Variants in NMNAT3 observed in about 807,000 individuals in gnomAD.
NMNAT3 encodes nicotinamide nucleotide adenylyltransferase 3.
Under a neutral mutation model 24.8 loss-of-function variants are expected in NMNAT3, and 21 were observed. That is an observed-to-expected ratio of 0.85 (90% confidence interval 0.60 to 1.22). The LOEUF is 1.22. NMNAT3 is among the 50% of genes most tolerant of loss of function. The pLI is 0.00. For missense variants in NMNAT3, 387 were observed against 436.6 expected (o/e 0.89, Z 1.01); for synonymous variants, 136 against 155.2 (o/e 0.88, Z 0.92).
At chr3:139,658,287 T>C (rs2108414739) in intron 1 of NMNAT3, among the ~76,000 whole-genome samples, 1 of 152,266 alleles carries the variant, frequency 6.6e-6, no homozygotes, top group South Asian at 2.1e-4. Flanking sequence ...CCCCCTGCAG[T>C]GGGGCCCAGC....
At chr3:139,563,425 G>A (rs972324575) in intron 6 of NMNAT3, among the ~76,000 whole-genome samples, 7 of 152,154 alleles carry the variant, frequency 4.6e-5, no homozygotes, top group South Asian at 2.1e-4. Context: ...TCTTCCTACA[G>A]GTCAGAGAAC....
rs374344757 is a variant in NMNAT3 at position 139,627,855 on chromosome 3, C to G, written c.-40-91G>C. ...CTAAACCACACACAGACCATTACTT[C>G]TCACTTGTAAGATGACTGAGGAGGC... is the stretch of plus-strand genomic sequence containing the variant. On this transcript the variant is annotated intron_variant, in intron 2 of 6. Coordinates refer to ENST00000643695, the MANE Select transcript of NMNAT3 (RefSeq NM_001320510.2). 43 of 497,090 alleles carry G rather than the reference C, an allele frequency of 8.7e-5. No homozygotes were observed. In the East Asian group the frequency reaches 9.9e-4, roughly 11 times the overall value. The allele number at this position is 497,090 out of a possible 1,614,324, so 30.8% of individuals were successfully genotyped here.
intron 3 of NMNAT3, chr3:139,609,667 T>TC (rs11438253): frequency 0.32 from 47,978 of 151,260 alleles, 7,835 homozygotes; most frequent in Admixed American, 0.43. Flanking sequence ...GTTTTTTTTT[T>TC]AAGAGACAAA....
intron 1 of NMNAT3, among the ~76,000 whole-genome samples, chr3:139,657,083 T>G (rs901178417): frequency 6.6e-6 from 1 of 152,162 alleles, no homozygotes; most frequent in African/African-American, 2.4e-5. Context: ...ACACAGAAAC[T>G]CCGGGCTCCA....
intron 1 of NMNAT3, among the ~76,000 whole-genome samples, chr3:139,650,394 G>A (rs777009759): frequency 2.0e-5 from 3 of 152,162 alleles, no homozygotes; most frequent in Non-Finnish European, 2.9e-5. Flanking sequence ...TATCTGGAAG[G>A]CTTATGCTTA....
chr3:139,612,597 G>A (rs1023201738), intron 3 of NMNAT3, among the ~76,000 whole-genome samples: 5 of 152,188 alleles, frequency 3.3e-5, no homozygotes, highest in Non-Finnish European at 7.3e-5. Flanking sequence ...AATGCTCAGA[G>A]TCAGCAAGTC....
At chr3:139,625,042 G>A (rs1028881287) in intron 3 of NMNAT3, among the ~76,000 whole-genome samples, 3 of 152,268 alleles carry the variant, frequency 2.0e-5, no homozygotes, top group East Asian at 3.9e-4. Context: ...AGTGCAAAAA[G>A]CGTATTACTT....
At chr3:139,675,897 A>G (rs1040460053) in intron 1 of NMNAT3, among the ~76,000 whole-genome samples, 2 of 152,180 alleles carry the variant, frequency 1.3e-5, no homozygotes, top group Non-Finnish European at 2.9e-5. Context: ...CTTCAGGGCC[A>G]ACGATATGCT....
intron 6 of NMNAT3, among the ~76,000 whole-genome samples, chr3:139,564,036 G>A (rs1050450322): frequency 3.3e-5 from 5 of 152,170 alleles, no homozygotes; most frequent in African/African-American, 9.7e-5. Flanking sequence ...CTAAGTCTGT[G>A]AGATCAAAGA....
intron 2 of NMNAT3, chr3:139,637,588 A>G (rs2056548353): frequency 6.6e-6 from 1 of 152,176 alleles, no homozygotes; most frequent in African/African-American, 2.4e-5. Flanking sequence ...TACCTCTCCT[A>G]CTTGTCTCCC....
Position 139,561,172 on chromosome 3 carries a change from C to T in NMNAT3, c.879G>A (p.Glu293=). The stretch of plus-strand genomic sequence containing the variant: ...CTCGCCTGATGTATGTGGCACTGAT[C>T]TCATTCTGCACAGGCTCCTTGGCCA... Residue 293 remains glutamate, a synonymous_variant, in exon 7 of 7, where the codon GAG becomes GAA. Transcript: ENST00000643695. 1 of 1,614,192 alleles carries T rather than the reference C, an allele frequency of 6.2e-7. No individual in the cohort carries two copies. Among genetic ancestry groups the T allele is most frequent in the South Asian group, 1.1e-5 (1 of 91,084 alleles).
intron 4 of NMNAT3, 24 bp from the exon 5 acceptor site, chr3:139,579,079 T>C: frequency 6.2e-7 from 1 of 1,601,306 alleles, no homozygotes; most frequent in Non-Finnish European, 8.5e-7. Flanking sequence ...AGCAGTGGTG[T>C]TGCACATACA....
rs138730819 is a variant in NMNAT3 at position 139,655,696 on chromosome 3, C to T, written c.-140-17634G>A. ...AGGAGGGAAGTAGTAAGCACTGCTG[C>T]ATCTTTTGCCAATGGCAATATAATA... On this transcript the variant is annotated intron_variant, in intron 1 of 6. Coordinates refer to ENST00000643695, the MANE Select transcript of NMNAT3 (RefSeq NM_001320510.2). 3.0e-4 allele frequency among the ~76,000 whole-genome samples: 46 copies of T among 152,358 alleles called. 1 individual carries two copies. In the East Asian group the frequency reaches 8.5e-3, roughly 28 times the overall value.
chr3:139,647,342 A>G (rs1326707060), intron 1 of NMNAT3, among the ~76,000 whole-genome samples: 1 of 152,172 alleles, frequency 6.6e-6, no homozygotes, highest in Non-Finnish European at 1.5e-5. Context: ...ATAAAAATAC[A>G]TTCTCCCAAA....
intron 1 of NMNAT3, among the ~76,000 whole-genome samples, chr3:139,670,083 T>A (rs1480788460): frequency 1.3e-5 from 2 of 152,216 alleles, no homozygotes; most frequent in Non-Finnish European, 2.9e-5. Flanking sequence ...CTCAAACTTT[T>A]GGGGTTGGTT....
intron 1 of NMNAT3, among the ~76,000 whole-genome samples, chr3:139,656,228 T>A (rs1456663870): frequency 6.6e-6 from 1 of 152,164 alleles, no homozygotes; most frequent in Non-Finnish European, 1.5e-5. Context: ...TCATGCAGAG[T>A]TGCAGACCTA....
At chr3:139,583,812 C>T (rs983131641) in intron 3 of NMNAT3, among the ~76,000 whole-genome samples, 1 of 152,386 alleles carries the variant, frequency 6.6e-6, no homozygotes. Context: ...CCTCGAACAG[C>T]TCCACGCGTC....
chr3:139,609,894 A>G (rs536343396), intron 3 of NMNAT3: 1 of 152,406 alleles, frequency 6.6e-6, no homozygotes, highest in African/African-American at 2.4e-5. Flanking sequence ...TCCTGGGCTC[A>G]AGCGATCCTC....
intron 1 of NMNAT3, among the ~76,000 whole-genome samples, chr3:139,643,244 A>T (rs1221649625): frequency 6.6e-6 from 1 of 152,208 alleles, no homozygotes; most frequent in African/African-American, 2.4e-5. Context: ...AGAAATGGGA[A>T]CCCCCGTGCA....
Sources: allele counts gnomAD v4.1 joint callset (sites outside exome capture counted in the v4.1 genomes callset), GRCh38; gene constraint gnomAD v4.1.1; transcripts MANE v1.5; gene names NCBI Gene and HGNC (gene_info 2026-07-23, HGNC 2026-07-21).